Variants in RTN4R observed in about 807,000 individuals in gnomAD.
RTN4R encodes reticulon 4 receptor, also known as reticulon-4 receptor.
A neutral mutation model predicts 27.7 loss-of-function variants in RTN4R; 4 were observed. The observed-to-expected ratio is 0.14, with a 90% CI of 0.07 to 0.33. RTN4R has a LOEUF of 0.33. Ranked by LOEUF, RTN4R falls within the 10% of genes least tolerant of loss-of-function variation. RTN4R has a pLI of 1.00. For synonymous variants in RTN4R, 290 were observed against 305.6 expected (o/e 0.95, Z 0.53); for missense variants, 554 against 671.5 (o/e 0.83, Z 1.93).
rs369864009 is a variant in RTN4R at position 20,242,465 on chromosome 22, C to T, written c.668G>A (p.Arg223His). 12 of 1,613,640 alleles carry T rather than the reference C, an allele frequency of 7.4e-6. No individual in the cohort carries two copies. Among genetic ancestry groups the T allele is most frequent in the Admixed American group, 6.7e-5 (4 of 60,028 alleles). ...RVAHVHPHAF[R>H]DLGRLMTLYL... ...GAGTGTCATGAGGCGGCCAAGGTCA[C>T]GGAAGGCATGCGGGTGCACATGGGC... Residue 223 changes from arginine to histidine, a missense_variant, in exon 2 of 2, where the codon CGT becomes CAT. Arg to His is a conservative substitution (Grantham distance 29). Around this residue, in one of 2 missense-constraint regions of RTN4R, gnomAD observed 413 missense variants for 542.3 expected, o/e 0.76. Coordinates refer to ENST00000043402, the MANE Select transcript of RTN4R (RefSeq NM_023004.6).
In RTN4R at chr22:20,241,912, C is replaced by A. The variant is rs757177754; in HGVS notation, c.1221G>T (p.Gly407=). 3 of 1,605,878 alleles carry A rather than the reference C, an allele frequency of 1.9e-6. No homozygotes were observed. Among genetic ancestry groups the A allele is most frequent in the South Asian group, 1.1e-5 (1 of 90,962 alleles). The part of the protein sequence containing the change: ...AVRPEGSEPP[G]FPTSGPRRRP... ...TCCGGCGAGGGCCCGAGGTGGGGAA[C>A]CCTGGTGGCTCGGAGCCCTCGGGCC... Residue 407 remains glycine (G), a synonymous_variant, in exon 2 of 2, where the codon GGG becomes GGT. Transcript: ENST00000043402.
At chr22:20,247,958 C>T (rs1185784628) in intron 1 of RTN4R, among the ~76,000 whole-genome samples, 3 of 152,176 alleles carry the variant, frequency 2.0e-5, no homozygotes, top group South Asian at 2.1e-4. Flanking sequence ...TTGCCCTGGC[C>T]GGCAGGGCTC....
chr22:20,267,717 A>C, intron 1 of RTN4R: 3 of 435,878 alleles, frequency 6.9e-6, no homozygotes, highest in African/African-American at 2.1e-5. Context: ...CCGCTCGTTA[A>C]CCCCTTGGTG....
At chr22:20,251,813 A>AC (rs2051180743) in intron 1 of RTN4R, among the ~76,000 whole-genome samples, 1 of 9,564 alleles carries the variant, frequency 1.0e-4, no homozygotes, top group African/African-American at 4.1e-4. Context: ...ATCATCACCA[A>AC]CACTATCACC....
chr22:20,244,309 C>T (rs535042125), intron 1 of RTN4R, among the ~76,000 whole-genome samples: 1 of 152,348 alleles, frequency 6.6e-6, no homozygotes, highest in African/African-American at 2.4e-5. Context: ...AGAACTGTGA[C>T]CCTGGGGCCC....
chr22:20,261,685 G>A (rs1009690264), intron 1 of RTN4R, among the ~76,000 whole-genome samples: 3 of 152,192 alleles, frequency 2.0e-5, no homozygotes. Flanking sequence ...GCCCACAAAG[G>A]TGCAACTGAT....
chr22:20,260,554 A>G (rs1199758695), intron 1 of RTN4R, among the ~76,000 whole-genome samples: 2 of 152,148 alleles, frequency 1.3e-5, no homozygotes, highest in Non-Finnish European at 2.9e-5. Flanking sequence ...CTCCCTCGAC[A>G]GCCGTGCTGG....
chr22:20,247,877 T>A (rs2051151014), intron 1 of RTN4R, among the ~76,000 whole-genome samples: 1 of 152,206 alleles, frequency 6.6e-6, no homozygotes, highest in Non-Finnish European at 1.5e-5. Flanking sequence ...TGAGGCCCAG[T>A]GTGGGCAGAG....
rs1250276660 is a variant in RTN4R, at chr22:20,241,982, A to G, written c.1151T>C (p.Phe384Ser). The G allele has an allele frequency of 6.2e-7, 1 of 1,610,162 alleles. No individual in the cohort carries two copies. The highest frequency in any genetic ancestry group is 1.7e-5 in the Admixed American group (1 of 60,002). ...CTCAGCAGAGCCAGGCAGAGTCCCA[A>G]AGGGTGAGTCATTGATGTGCCGTGG... ...SGPRHINDSP[F>S]GTLPGSAEPP... The change falls in exon 2 of 2, where the codon TTT becomes TCT. Residue 384 changes from phenylalanine to serine, a missense_variant. Physicochemically the swap from Phe to Ser is radical, Grantham distance 155. Transcript: ENST00000043402.
chr22:20,251,671 A>G (rs2051178497), intron 1 of RTN4R, among the ~76,000 whole-genome samples: 1 of 61,628 alleles, frequency 1.6e-5, no homozygotes, highest in Admixed American at 1.7e-4. Flanking sequence ...CATCCTCAAC[A>G]CCATCCTCAA....
At chr22:20,248,871 T>A (rs1371958201) in intron 1 of RTN4R, among the ~76,000 whole-genome samples, 1 of 152,108 alleles carries the variant, frequency 6.6e-6, no homozygotes, top group South Asian at 2.1e-4. Flanking sequence ...TCATCTTTGG[T>A]CAATGCTGGG....
At chr22:20,243,323 A>G in intron 1 of RTN4R, 1 of 699,080 alleles carries the variant, frequency 1.4e-6, no homozygotes, top group Non-Finnish European at 2.6e-6. Context: ...CCTTGGAGCC[A>G]TGCACTCCAC....
Position 20,242,350 on chromosome 22 carries a change from G to T in RTN4R, c.783C>A (p.Pro261=), listed in dbSNP as rs374620973. The T allele has an allele frequency of 7.8e-5, 126 of 1,612,384 alleles. No individual in the cohort carries two copies. The highest frequency in any genetic ancestry group is 9.9e-5 in the Non-Finnish European group (117 of 1,179,802). ...ALQYLRLNDN[P]WVCDCRARPL... ...GGCGTGCCCGGCAGTCACACACCCA[G>T]GGGTTGTCGTTGAGCCTCAGGTACT... The change falls in exon 2 of 2, where the codon CCC becomes CCA. Residue 261 remains proline (P), a synonymous_variant. Coordinates refer to ENST00000043402, the MANE Select transcript of RTN4R (RefSeq NM_023004.6).
rs1432033565 is a variant in RTN4R, at chr22:20,242,258, C to T, written c.875G>A (p.Arg292His). 22 of 1,598,688 alleles carry T rather than the reference C, an allele frequency of 1.4e-5. No homozygotes were observed. The East Asian group carries it at 2.3e-4, about 16-fold the overall frequency. The part of the protein sequence containing the change: ...SSEVPCSLPQ[R>H]LAGRDLKRLA... Reference sequence around the variant, plus strand: ...GCGTTTGAGGTCACGGCCAGCCAGGCGTTGCGGGAGGCTGCAGGGCACCTC... The same window carrying T: ...GCGTTTGAGGTCACGGCCAGCCAGGTGTTGCGGGAGGCTGCAGGGCACCTC... The change falls in exon 2 of 2, where the codon CGC (arginine) becomes CAC (histidine). Residue 292 changes from arginine (R) to histidine (H), a missense_variant. Physicochemically the swap from Arg to His is conservative, Grantham distance 29. Around this residue, in one of 2 missense-constraint regions of RTN4R, gnomAD observed 413 missense variants for 542.3 expected, o/e 0.76. Transcript: ENST00000043402.
At chr22:20,262,379 G>A (rs1569042374) in intron 1 of RTN4R, among the ~76,000 whole-genome samples, 1 of 152,202 alleles carries the variant, frequency 6.6e-6, no homozygotes, top group African/African-American at 2.4e-5. Context: ...GCCGGGACCT[G>A]GGAGGCAGGG....
intron 1 of RTN4R, among the ~76,000 whole-genome samples, chr22:20,260,215 G>A (rs536853841): frequency 2.0e-5 from 3 of 152,246 alleles, no homozygotes; most frequent in South Asian, 2.1e-4. Flanking sequence ...GCCCCCACGG[G>A]AGCCCCAAGA....
At chr22:20,244,909 C>G (rs2051130992) in intron 1 of RTN4R, among the ~76,000 whole-genome samples, 1 of 152,172 alleles carries the variant, frequency 6.6e-6, no homozygotes, top group Admixed American at 6.5e-5. Context: ...CTGCACCCAC[C>G]AAGACTAGCC....
chr22:20,249,164 C>A, intron 1 of RTN4R: 1 of 534,390 alleles, frequency 1.9e-6, no homozygotes, highest in South Asian at 1.4e-5. Flanking sequence ...CTTGGTCCTG[C>A]AGCTAATTCA....
chr22:20,259,533 C>A (rs2051232509), intron 1 of RTN4R, among the ~76,000 whole-genome samples: 1 of 152,136 alleles, frequency 6.6e-6, no homozygotes, highest in Non-Finnish European at 1.5e-5. Context: ...CCGCAGTCCA[C>A]CTCCGCAGCC....
Sources: gnomAD v4.1 joint callset for allele counts (sites outside exome capture counted in the v4.1 genomes callset) on GRCh38, gnomAD v4.1.1 for gene constraint, gnomAD v4.1.1 regional missense constraint, MANE v1.5 for transcripts, NCBI Gene and HGNC (gene_info 2026-07-23, HGNC 2026-07-21) for gene names.